Variants in TG observed in about 807,000 individuals in gnomAD.
TG encodes the protein thyroglobulin.
A neutral mutation model predicts 324.7 loss-of-function variants in TG; 270 were observed. The ratio of observed to expected loss-of-function variants is 0.83; its 90% CI spans 0.75 to 0.92. The LOEUF is 0.92. TG is among the 40% of genes least tolerant of loss of function. The probability of loss-of-function intolerance (pLI) is 0.00; values close to 1 mark genes in which losing one functional copy is unlikely to be tolerated. For missense variants in TG, 3,591 were observed against 3,456.4 expected (o/e 1.04, Z -0.98); for synonymous variants, 1,401 against 1,327.0 (o/e 1.06, Z -1.21).
chr8:132,887,279 G>A lies in TG; in HGVS notation c.1907G>A (p.Cys636Tyr). The change falls in exon 9 of 48, where the codon TGC becomes TAC. Residue 636 changes from cysteine to tyrosine, a missense_variant. Transcript: ENST00000220616. ...GATGTCCAATGCTTTTCCGGAGAGTGCTGGTGTGTGAATTCCTGGGGCAAA... is the reference window on the plus strand; with the variant it reads ...GATGTCCAATGCTTTTCCGGAGAGTACTGGTGTGTGAATTCCTGGGGCAAA... Reference protein sequence around the residue: ...YEDVQCFSGECWCVNSWGKEL... With the variant: ...YEDVQCFSGEYWCVNSWGKEL... 1 of 1,603,898 alleles carries A rather than the reference G, an allele frequency of 6.2e-7. No individual in the cohort carries two copies. Among genetic ancestry groups the A allele is most frequent in the Non-Finnish European group, 8.5e-7 (1 of 1,173,706 alleles).
intron 43 of TG, among the ~76,000 whole-genome samples, chr8:133,103,437 C>T (rs995121110): frequency 1.3e-4 from 20 of 151,994 alleles, no homozygotes; most frequent in Non-Finnish European, 5.9e-5. Flanking sequence ...TCTAATTCTC[C>T]CCAGGGGCCC....
At chr8:133,018,141 T>G in intron 38 of TG, 144 bp downstream of exon 38, 1 of 849,256 alleles carries the variant, frequency 1.2e-6, no homozygotes, top group South Asian at 1.4e-5. Flanking sequence ...TAAGATATCA[T>G]TAAGTGCTGT....
At chr8:132,971,000 C>T (rs1053551506) in intron 32 of TG, among the ~76,000 whole-genome samples, 6 of 152,086 alleles carry the variant, frequency 3.9e-5, no homozygotes, top group Admixed American at 1.3e-4. Flanking sequence ...AATGGCAATA[C>T]GAGGCAGGAT....
intron 26 of TG, among the ~76,000 whole-genome samples, chr8:132,948,130 T>C (rs1825584888): frequency 6.6e-6 from 1 of 152,148 alleles, no homozygotes; most frequent in African/African-American, 2.4e-5. Flanking sequence ...AACAGGGAAA[T>C]ATGTGTCATT....
intron 43 of TG, among the ~76,000 whole-genome samples, chr8:133,106,919 G>T (rs778561528): frequency 7.2e-5 from 11 of 152,204 alleles, no homozygotes; most frequent in Admixed American, 2.0e-4. Context: ...TGAAGGGACG[G>T]TAGGATGAAC....
chr8:132,944,291 C>T lies in TG; in HGVS notation c.5233+2749C>T, dbSNP rs75395188. Among the ~76,000 whole-genome samples the T allele has an allele frequency of 2.3e-3, 356 of 152,264 alleles. 1 individual carries two copies. Among genetic ancestry groups the T allele is most frequent in the African/African-American group, 8.4e-3 (349 of 41,542 alleles). On this transcript the variant is annotated intron_variant, in intron 26 of 47. Transcript: ENST00000220616. The stretch of plus-strand genomic sequence containing the variant: ...GCCTGTATTATTATTTTCTTGGCAC[C>T]TGTACCAGTCTCTTAATTGGCCTCT...
intron 1 of TG, 50 bp downstream of exon 1, chr8:132,867,117 C>G: frequency 6.6e-7 from 1 of 1,508,094 alleles, no homozygotes; most frequent in Non-Finnish European, 9.1e-7. Flanking sequence ...GCTCCAGTGT[C>G]AGCCAGGCTC....
chr8:132,868,209 G>T lies in TG; in HGVS notation c.162G>T (p.Glu54Asp). 6.2e-7 allele frequency: 1 copy of T among 1,614,118 alleles called. No individual in the cohort carries two copies. The highest frequency in any genetic ancestry group is 8.5e-7 in the Non-Finnish European group (1 of 1,180,022). The stretch of plus-strand genomic sequence containing the variant: ...CAGACTACGTGCCCCAGTGTGCAGA[G>T]GATGGCAGCTTCCAGTAAGGCTTAT... ...KQADYVPQCA[E>D]DGSFQTVQCQ... The change falls in exon 2 of 48, where the codon GAG becomes GAT. Residue 54 changes from glutamate to aspartate, a missense_variant. Coordinates refer to ENST00000220616, the MANE Select transcript of TG (RefSeq NM_003235.5).
chr8:132,966,464 C>CTGTGTGTG (rs138876980), intron 29 of TG, 96 bp from the exon 30 acceptor site: 9 of 1,150,576 alleles, frequency 7.8e-6, no homozygotes, highest in South Asian at 7.8e-5. Flanking sequence ...CTGTCTCTCT[C>CTGTGTGTG]TCTGTGTGTG....
chr8:132,987,938 T>C (rs1387056525), intron 35 of TG, among the ~76,000 whole-genome samples: 1 of 152,108 alleles, frequency 6.6e-6, no homozygotes, highest in Non-Finnish European at 1.5e-5. Context: ...ACATAGTATG[T>C]ACTCAAGACA....
intron 26 of TG, 39 bp downstream of exon 26, chr8:132,941,581 G>GGGGA: frequency 6.2e-7 from 1 of 1,612,948 alleles, no homozygotes; most frequent in South Asian, 1.1e-5. Context: ...AACAAGGGAT[G>GGGGA]GGGAGCACAC....
rs1285221165 is a variant in TG, at chr8:132,894,479, G to C, written c.3001+550G>C. On this transcript the variant is annotated intron_variant, in intron 11 of 47. Transcript: ENST00000220616. ...CAGTATGCTTTTTTTTTTTTTTTGAGACGGAGTCTTGCTCTGTCACCCAGG... is the reference window on the plus strand; with the variant it reads ...CAGTATGCTTTTTTTTTTTTTTTGACACGGAGTCTTGCTCTGTCACCCAGG... Among the ~76,000 whole-genome samples, 5 of 146,726 alleles carry C rather than the reference G, an allele frequency of 3.4e-5. No individual in the cohort carries two copies. In the East Asian group the frequency reaches 8.0e-4, roughly 24 times the overall value.
At chr8:132,971,565 A>G (rs1421118162) in intron 32 of TG, among the ~76,000 whole-genome samples, 2 of 152,220 alleles carry the variant, frequency 1.3e-5, no homozygotes, top group Admixed American at 6.5e-5. Flanking sequence ...GGGTGAATAA[A>G]TGATTAATGG....
intron 35 of TG, among the ~76,000 whole-genome samples, chr8:133,000,755 TGCTAGAGA>T (rs1253531850): frequency 1.3e-5 from 2 of 152,222 alleles, no homozygotes; most frequent in African/African-American, 2.4e-5. Flanking sequence ...GAGCATTTTA[TGCTAGAGA>T]GCAGCACTGG....
At chr8:133,120,655 G>A (rs939656351) in intron 45 of TG, among the ~76,000 whole-genome samples, 1 of 152,070 alleles carries the variant, frequency 6.6e-6, no homozygotes, top group Non-Finnish European at 1.5e-5. Context: ...TGGATCCAAG[G>A]TCCCCATCAC....
chr8:132,881,308 G>T (rs1160692719), intron 5 of TG, among the ~76,000 whole-genome samples: 1 of 152,144 alleles, frequency 6.6e-6, no homozygotes, highest in Non-Finnish European at 1.5e-5. Flanking sequence ...TGTTAGTGAT[G>T]CTGTATTGAT....
At chr8:132,973,988 CTTTTTTTTT>C (rs869164425) in intron 34 of TG, among the ~76,000 whole-genome samples, 4 of 113,002 alleles carry the variant, frequency 3.5e-5, no homozygotes, top group African/African-American at 1.6e-4. Flanking sequence ...TTGACCATTC[CTTTTTTTTT>C]TTTTTTTTTT....
intron 15 of TG, among the ~76,000 whole-genome samples, chr8:132,901,089 C>G (rs1817855530): frequency 6.6e-6 from 1 of 152,240 alleles, no homozygotes; most frequent in Non-Finnish European, 1.5e-5. Context: ...AGAACTGTAC[C>G]TGCTCACGTA....
intron 35 of TG, among the ~76,000 whole-genome samples, chr8:133,007,323 T>A (rs1420392201): frequency 6.6e-6 from 1 of 151,996 alleles, no homozygotes; most frequent in African/African-American, 2.4e-5. Context: ...GTTTTTAAAT[T>A]TTTTTTTAAG....
Sources: gnomAD v4.1 joint callset for allele counts (sites outside exome capture counted in the v4.1 genomes callset) on GRCh38, gnomAD v4.1.1 for gene constraint, MANE v1.5 for transcripts, NCBI Gene and HGNC (gene_info 2026-07-23, HGNC 2026-07-21) for gene names.